Variants in OR9Q1 observed in about 807,000 individuals in gnomAD.
OR9Q1 encodes olfactory receptor 9Q1.
For missense variants in OR9Q1, 374 were observed against 378.8 expected, an observed-to-expected ratio of 0.99 and a Z score of 0.11; for synonymous variants, 153 against 148.6, an observed-to-expected ratio of 1.03 and a Z score of -0.22.
intron 2 of OR9Q1, among the ~76,000 whole-genome samples, chr11:58,174,424 A>G (rs571309517): frequency 2.0e-5 from 3 of 152,106 alleles, no homozygotes; most frequent in Non-Finnish European, 4.4e-5. Flanking sequence ...ATAAATGCTC[A>G]TTGTTGTGTG....
intron 2 of OR9Q1, among the ~76,000 whole-genome samples, chr11:58,060,785 T>A (rs1853373351): frequency 8.0e-6 from 1 of 124,766 alleles, no homozygotes; most frequent in Non-Finnish European, 1.7e-5. Context: ...GTCATGAAAT[T>A]AAGAGAGCAC....
intron 1 of OR9Q1, among the ~76,000 whole-genome samples, chr11:58,042,661 A>C (rs1031128541): frequency 6.6e-6 from 1 of 151,770 alleles, no homozygotes; most frequent in Non-Finnish European, 1.5e-5. Flanking sequence ...ACTTTCAAGT[A>C]GTTTTTTCCA....
intron 1 of OR9Q1, among the ~76,000 whole-genome samples, chr11:58,042,922 T>A (rs765064149): frequency 1.3e-5 from 2 of 152,134 alleles, no homozygotes; most frequent in Non-Finnish European, 2.9e-5. Context: ...TAAATGGGAG[T>A]TCACTCATGA....
intron 2 of OR9Q1, among the ~76,000 whole-genome samples, chr11:58,089,418 C>T (rs560605924): frequency 6.6e-6 from 1 of 151,920 alleles, no homozygotes; most frequent in Non-Finnish European, 1.5e-5. Context: ...TTCCCCATTG[C>T]TTGATTTTTG....
At position 58,086,032 on chromosome 11, in the gene OR9Q1, G is replaced by A. The variant is rs1853630693; in HGVS notation, c.-15+30085G>A. On this transcript the variant is annotated intron_variant, in intron 2 of 2. Transcript: ENST00000335397. Reference sequence around the variant, plus strand: ...CTGCTATTGAAACAATTTACCAAGAGCTTCAGGAGGAATCATGCACACTAA... The same window carrying A: ...CTGCTATTGAAACAATTTACCAAGAACTTCAGGAGGAATCATGCACACTAA... Among the ~76,000 whole-genome samples the A allele has an allele frequency of 1.3e-5, 2 of 151,838 alleles. 1 individual carries two copies. Among genetic ancestry groups the A allele is most frequent in the Admixed American group, 1.3e-4 (2 of 15,240 alleles).
intron 1 of OR9Q1, chr11:58,031,820 A>C: frequency 6.2e-7 from 1 of 1,614,108 alleles, no homozygotes; most frequent in Non-Finnish European, 8.5e-7. Context: ...GCCCATGCTC[A>C]ATCCTCTCAT....
At chr11:58,141,512 G>A (rs973452822) in intron 2 of OR9Q1, among the ~76,000 whole-genome samples, 1 of 152,140 alleles carries the variant, frequency 6.6e-6, no homozygotes, top group South Asian at 2.1e-4. Context: ...TTTATATGCT[G>A]GATTACGTTT....
At chr11:58,115,318 C>T (rs1161234736) in intron 2 of OR9Q1, among the ~76,000 whole-genome samples, 1 of 152,056 alleles carries the variant, frequency 6.6e-6, no homozygotes, top group Non-Finnish European at 1.5e-5. Context: ...AATTTAATTT[C>T]TCAGATCTAA....
At chr11:58,130,355 A>G (rs1854129798) in intron 2 of OR9Q1, among the ~76,000 whole-genome samples, 1 of 152,252 alleles carries the variant, frequency 6.6e-6, no homozygotes, top group Admixed American at 6.5e-5. Context: ...TTTTGCCTAC[A>G]TAATCATCAA....
chr11:58,028,587 T>A lies in OR9Q1; in HGVS notation c.-93+4483T>A, dbSNP rs962812841. On this transcript the variant is annotated intron_variant, in intron 1 of 2. Transcript: ENST00000335397. ...AAGTCAAACTTCTAGAGCATCTGTG[T>A]GCAGTATCTCCACTGGGAAGGGTGA... Among the ~76,000 whole-genome samples, 4 of 152,156 alleles carry A rather than the reference T, an allele frequency of 2.6e-5. No individual in the cohort carries two copies. The East Asian group carries it at 7.7e-4, about 29-fold the overall frequency.
chr11:58,059,533 TA>T (rs1853359410), intron 2 of OR9Q1, among the ~76,000 whole-genome samples: 1 of 151,362 alleles, frequency 6.6e-6, no homozygotes, highest in Non-Finnish European at 1.5e-5. Context: ...CTGTCTCTAC[TA>T]AAAGTACAAA....
chr11:58,030,727 T>C (rs962426999), intron 1 of OR9Q1, among the ~76,000 whole-genome samples: 1 of 152,258 alleles, frequency 6.6e-6, no homozygotes, highest in Non-Finnish European at 1.5e-5. Context: ...GCTCATAGTA[T>C]CCTGCCTTAT....
intron 2 of OR9Q1, among the ~76,000 whole-genome samples, chr11:58,072,128 C>G (rs1853493547): frequency 2.0e-5 from 3 of 152,132 alleles, no homozygotes; most frequent in African/African-American, 7.2e-5. Flanking sequence ...GAGTCAATCT[C>G]CATTAATACT....
At chr11:58,168,369 A>G (rs1366018772) in intron 2 of OR9Q1, among the ~76,000 whole-genome samples, 1 of 152,152 alleles carries the variant, frequency 6.6e-6, no homozygotes, top group Non-Finnish European at 1.5e-5. Context: ...ATTTATTTAA[A>G]AACTTGACAT....
rs4939184 is a variant in OR9Q1, at chr11:58,126,572, A to C, written c.-14-52859A>C. On this transcript the variant is annotated intron_variant, in intron 2 of 2. Coordinates refer to ENST00000335397, the MANE Select transcript of OR9Q1 (RefSeq NM_001005212.4). Reference sequence around the variant, plus strand: ...CAGATGCCAGATGCCAGTTGATACAAGAATATATTACAAAGAAGGGTGGCA... The same window carrying C: ...CAGATGCCAGATGCCAGTTGATACACGAATATATTACAAAGAAGGGTGGCA... Among the ~76,000 whole-genome samples, 854 of 152,340 alleles carry C rather than the reference A, an allele frequency of 5.6e-3. 25 individuals carry two copies. The highest frequency in any genetic ancestry group is 0.048 in the Admixed American group (739 of 15,302).
intron 2 of OR9Q1, among the ~76,000 whole-genome samples, chr11:58,088,899 G>T (rs371935134): frequency 6.6e-6 from 1 of 151,012 alleles, no homozygotes; most frequent in Admixed American, 6.6e-5. Flanking sequence ...TTTTTGAGAC[G>T]GAGTTTCGCT....
chr11:58,146,988 C>G (rs1411959650), intron 2 of OR9Q1, among the ~76,000 whole-genome samples: 1 of 152,214 alleles, frequency 6.6e-6, no homozygotes, highest in African/African-American at 2.4e-5. Flanking sequence ...TTAAAAGATT[C>G]CTTTGGCTGC....
At chr11:58,139,215 G>C (rs1361292587) in intron 2 of OR9Q1, among the ~76,000 whole-genome samples, 1 of 151,760 alleles carries the variant, frequency 6.6e-6, no homozygotes, top group Non-Finnish European at 1.5e-5. Context: ...ATAAAAAGGA[G>C]GATAATCTTA....
At position 58,155,918 on chromosome 11, in the gene OR9Q1, C is replaced by CTTTTTTTTTTTTTTTTTTTT. The variant is rs139275746; in HGVS notation, c.-14-23513_-14-23512insTTTTTTTTTTTTTTTTTTTT. Among the ~76,000 whole-genome samples the CTTTTTTTTTTTTTTTTTTTT allele has an allele frequency of 1.4e-5, 2 of 140,428 alleles. 1 individual carries two copies. Among genetic ancestry groups the CTTTTTTTTTTTTTTTTTTTT allele is most frequent in the Non-Finnish European group, 3.1e-5 (2 of 65,538 alleles). 92.1% of individuals were successfully genotyped at this position (140,428 alleles called of 152,430 possible). A position where few individuals can be genotyped will look rare whatever the true frequency, so the allele number is the denominator to read the frequency against. On this transcript the variant is annotated intron_variant, in intron 2 of 2. Transcript: ENST00000335397. ...TCTTGCTGTTCTTTTTCTTTTCCTTCCTTTTTTTTTTTTTTGAGATAGACT... is the reference window on the plus strand; with the variant it reads ...TCTTGCTGTTCTTTTTCTTTTCCTTCTTTTTTTTTTTTTTTTTTTTCTTTTTTTTTTTTTTGAGATAGACT...
Sources: gnomAD v4.1 joint callset for allele counts (sites outside exome capture counted in the v4.1 genomes callset) on GRCh38, gnomAD v4.1.1 for gene constraint, MANE v1.5 for transcripts, NCBI Gene and HGNC (gene_info 2026-07-23, HGNC 2026-07-21) for gene names.